IRAK2: variants seen among roughly 807,000 people sequenced by gnomAD.
IRAK2 encodes the protein interleukin 1 receptor associated kinase 2.
Under a neutral mutation model 72.0 loss-of-function variants are expected in IRAK2, and 57 were observed. That is an observed-to-expected ratio of 0.79 (90% CI 0.64 to 0.99). The LOEUF is 0.99. IRAK2 is among the 50% of genes least tolerant of loss of function. The probability of loss-of-function intolerance (pLI) is 0.00; values close to 1 mark genes in which losing one functional copy is unlikely to be tolerated. For missense variants in IRAK2, 790 were observed against 794.4 expected, an observed-to-expected ratio of 0.99 and a Z score of 0.07; for synonymous variants, 293 against 312.7, an observed-to-expected ratio of 0.94 and a Z score of 0.67.
At chr3:10,199,238 G>T (rs147758218) in intron 2 of IRAK2, among the ~76,000 whole-genome samples, 608 of 152,270 alleles carry the variant, frequency 4.0e-3, no homozygotes, top group African/African-American at 0.014. Flanking sequence ...CTGGCTGGAA[G>T]CTGAGGTTGA....
At chr3:10,211,203 G>A (rs570907574) in intron 4 of IRAK2, among the ~76,000 whole-genome samples, 7 of 151,142 alleles carry the variant, frequency 4.6e-5, no homozygotes, top group African/African-American at 1.2e-4. Context: ...TGTTGCCCAG[G>A]CTGTCTCGAC....
intron 2 of IRAK2, among the ~76,000 whole-genome samples, chr3:10,196,579 G>A (rs942948823): frequency 4.6e-5 from 7 of 152,212 alleles, no homozygotes; most frequent in Admixed American, 4.6e-4. Flanking sequence ...AATCAGGATG[G>A]GGGGGTGTGG....
intron 1 of IRAK2, among the ~76,000 whole-genome samples, chr3:10,176,833 C>T (rs147773819): frequency 0.019 from 2,812 of 148,764 alleles, 87 homozygotes; most frequent in African/African-American, 0.067. Flanking sequence ...GATGGAGTCT[C>T]GCTCTGTCGC....
intron 1 of IRAK2, among the ~76,000 whole-genome samples, chr3:10,167,592 T>A (rs1410355981): frequency 1.3e-5 from 2 of 152,084 alleles, no homozygotes; most frequent in Non-Finnish European, 2.9e-5. Context: ...TTTTTTTGTA[T>A]TTTTAGTAGA....
intron 11 of IRAK2, among the ~76,000 whole-genome samples, chr3:10,238,172 GA>G (rs1344553597): frequency 6.6e-6 from 1 of 152,076 alleles, no homozygotes; most frequent in Non-Finnish European, 1.5e-5. Flanking sequence ...GCGAATGAAT[GA>G]ACTTAGTGTC....
chr3:10,227,769 T>C (rs907174040), intron 10 of IRAK2, among the ~76,000 whole-genome samples: 33 of 151,840 alleles, frequency 2.2e-4, no homozygotes, highest in African/African-American at 6.8e-4. Context: ...CCCGGGTTCA[T>C]GCCATTCTTC....
chr3:10,184,723 GTTTTTTTTT>G (rs55839723), intron 2 of IRAK2, among the ~76,000 whole-genome samples: 41,690 of 102,866 alleles, frequency 0.41, 7,282 homozygotes, highest in Middle Eastern at 0.46. Flanking sequence ...GTTTTTGTGT[GTTTTTTTTT>G]TTTTTTTTTT....
At chr3:10,168,228 T>TG (rs1261227771) in intron 1 of IRAK2, among the ~76,000 whole-genome samples, 1 of 151,742 alleles carries the variant, frequency 6.6e-6, no homozygotes, top group Non-Finnish European at 1.5e-5. Context: ...TTTTTTTTTT[T>TG]GAGACAGAGT....
At chr3:10,188,117 C>T (rs143406805) in intron 2 of IRAK2, among the ~76,000 whole-genome samples, 1 of 152,248 alleles carries the variant, frequency 6.6e-6, no homozygotes, top group Non-Finnish European at 1.5e-5. Context: ...AAAGGAGAAT[C>T]CACTATAATC....
chr3:10,221,543 G>A (rs112603376), intron 8 of IRAK2, among the ~76,000 whole-genome samples: 7 of 151,408 alleles, frequency 4.6e-5, no homozygotes, highest in African/African-American at 1.5e-4. Context: ...GTGAGCCACC[G>A]CGCCTGGCCA....
intron 1 of IRAK2, among the ~76,000 whole-genome samples, chr3:10,177,097 G>A (rs1030195705): frequency 6.6e-6 from 1 of 152,042 alleles, no homozygotes; most frequent in African/African-American, 2.4e-5. Flanking sequence ...CACCATGCCC[G>A]GCCTACTTTG....
Position 10,227,681 on chromosome 3 carries a change from G to GTTT in IRAK2, c.1272+1251_1272+1253dup, listed in dbSNP as rs768422141. Among the ~76,000 whole-genome samples the GTTT allele has an allele frequency of 2.0e-3, 293 of 149,018 alleles. 8 individuals carry two copies. In the South Asian group the frequency reaches 0.035, roughly 18 times the overall value. On this transcript the variant is annotated intron_variant, in intron 10 of 12. Coordinates refer to ENST00000256458, the MANE Select transcript of IRAK2 (RefSeq NM_001570.4). ...CATCATGAGTTTTTTTTTTGTTTTT[G>GTTT]TTTTTGAGACGGAGTCTTGCTCTGT...
intron 11 of IRAK2, among the ~76,000 whole-genome samples, chr3:10,235,097 T>G (rs1697934634): frequency 6.6e-6 from 1 of 152,116 alleles, no homozygotes; most frequent in South Asian, 2.1e-4. Context: ...TCAGGCATGG[T>G]GGGGCGGTCC....
intron 1 of IRAK2, among the ~76,000 whole-genome samples, chr3:10,165,547 G>T (rs1696669937): frequency 6.6e-6 from 1 of 152,026 alleles, no homozygotes; most frequent in Non-Finnish European, 1.5e-5. Flanking sequence ...CCAGGCTGGA[G>T]TGCAATGGCA....
rs1464848521 is a variant in IRAK2, at chr3:10,239,042, A to G, written c.1765+3A>G. ...TGGCCTGGAGCCTCCCCAGGATGGT[A>G]AGCCGGAAGTCAGAGTGCATTTGGA... On this transcript the variant is annotated splice_donor_region_variant and intron_variant, in intron 12 of 12. Transcript: ENST00000256458. 2.5e-6 allele frequency: 4 copies of G among 1,583,092 alleles called. No homozygotes were observed. Among genetic ancestry groups the G allele is most frequent in the Non-Finnish European group, 3.4e-6 (4 of 1,165,148 alleles).
intron 4 of IRAK2, 92 bp from the exon 5 acceptor site, chr3:10,213,115 A>G (rs535882983): frequency 3.1e-5 from 33 of 1,067,176 alleles, no homozygotes; most frequent in South Asian, 2.6e-4. Context: ...GATCCCCTCC[A>G]TCCCTCCATC....
At chr3:10,232,566 A>G (rs1337408494) in intron 10 of IRAK2, among the ~76,000 whole-genome samples, 1 of 152,154 alleles carries the variant, frequency 6.6e-6, no homozygotes, top group African/African-American at 2.4e-5. Context: ...GCGTGTTCTC[A>G]GTCCCCCAAC....
At chr3:10,180,760 A>C (rs181701267) in intron 2 of IRAK2, among the ~76,000 whole-genome samples, 3 of 152,088 alleles carry the variant, frequency 2.0e-5, no homozygotes, top group African/African-American at 7.2e-5. Flanking sequence ...CTCTGAGATA[A>C]ACCAGGAGAG....
intron 3 of IRAK2, among the ~76,000 whole-genome samples, chr3:10,201,946 C>A (rs2125152169): frequency 6.6e-6 from 1 of 152,322 alleles, no homozygotes; most frequent in East Asian, 1.9e-4. Context: ...AGCGTTTGTA[C>A]CTCAGTTTAC....
Sources: gnomAD v4.1 joint callset for allele counts (sites outside exome capture counted in the v4.1 genomes callset) on GRCh38, gnomAD v4.1.1 for gene constraint, MANE v1.5 for transcripts, NCBI Gene and HGNC (gene_info 2026-07-23, HGNC 2026-07-21) for gene names.